The following TIPRL variants were observed in gnomAD, a reference collection of about 807,000 sequenced individuals.
TIPRL encodes the protein TIP41-like protein.
In TIPRL, 10 loss-of-function variants were observed where a neutral mutation model predicts 32.3. That is an observed-to-expected ratio of 0.31 (90% CI 0.19 to 0.52). The LOEUF (loss-of-function observed/expected upper bound fraction) is 0.52. Ranked by LOEUF, TIPRL falls within the 20% of genes least tolerant of loss-of-function variation. The probability of loss-of-function intolerance (pLI) is 0.96; values close to 1 mark genes in which losing one functional copy is unlikely to be tolerated. For missense variants in TIPRL, 250 were observed against 328.1 expected (o/e 0.76, Z 1.84); for synonymous variants, 100 against 114.0 (o/e 0.88, Z 0.78).
chr1:168,185,259 T>G (rs1163541032), intron 3 of TIPRL, among the ~76,000 whole-genome samples: 1 of 152,198 alleles, frequency 6.6e-6, no homozygotes, highest in Non-Finnish European at 1.5e-5. Flanking sequence ...AAAGAACTTC[T>G]GGTTAGACAA....
intron 4 of TIPRL, among the ~76,000 whole-genome samples, chr1:168,194,045 C>T (rs916149295): frequency 6.6e-6 from 1 of 152,156 alleles, no homozygotes; most frequent in Non-Finnish European, 1.5e-5. Flanking sequence ...TGATGAACAA[C>T]TCTTAGTGAA....
intron 1 of TIPRL, among the ~76,000 whole-genome samples, chr1:168,181,838 A>C (rs890906828): frequency 1.3e-5 from 2 of 151,462 alleles, no homozygotes; most frequent in African/African-American, 4.8e-5. Context: ...AGGCAGGCGG[A>C]TCACCTGAGG....
chr1:168,200,666 C>G lies in TIPRL; in HGVS notation c.*620C>G, dbSNP rs974888055. On this transcript the variant is annotated 3_prime_UTR_variant, in exon 7 of 7. Coordinates refer to ENST00000367833, the MANE Select transcript of TIPRL (RefSeq NM_152902.5). ...CAAAAATACCTAGATTTTTGGAGAA[C>G]TTATTACATACATAGAAACATGAAT... 1 of 151,790 alleles carries G rather than the reference C, an allele frequency of 6.6e-6. No homozygotes were observed. Among genetic ancestry groups the G allele is most frequent in the Non-Finnish European group, 1.5e-5 (1 of 67,976 alleles). The allele number at this position is 151,790 out of a possible 1,614,324, so 9.4% of individuals were successfully genotyped here. A position where few individuals can be genotyped will look rare whatever the true frequency, so the allele number is the denominator to read the frequency against.
intron 6 of TIPRL, among the ~76,000 whole-genome samples, chr1:168,199,530 A>G (rs948965864): frequency 6.6e-6 from 1 of 152,156 alleles, no homozygotes; most frequent in African/African-American, 2.4e-5. Flanking sequence ...CTGTCTGGGT[A>G]TAGAGTATAC....
rs1700204436 is a variant in TIPRL, at chr1:168,201,208, T to G, written c.*1162T>G. 6.6e-6 allele frequency: 1 copy of G among 152,120 alleles called. No individual in the cohort carries two copies. The highest frequency in any genetic ancestry group is 1.5e-5 in the Non-Finnish European group (1 of 67,990). 9.4% of individuals were successfully genotyped at this position (152,120 alleles called of 1,614,324 possible). A position where few individuals can be genotyped will look rare whatever the true frequency, so the allele number is the denominator to read the frequency against. On this transcript the variant is annotated 3_prime_UTR_variant, in exon 7 of 7. Coordinates refer to ENST00000367833, the MANE Select transcript of TIPRL (RefSeq NM_152902.5). ...TGATTAAAAAGCATCAAATAAGAAATTATTTCAAGTGGATTTTTAAAAATA... is the reference window on the plus strand; with the variant it reads ...TGATTAAAAAGCATCAAATAAGAAAGTATTTCAAGTGGATTTTTAAAAATA...
intron 1 of TIPRL, among the ~76,000 whole-genome samples, chr1:168,180,363 G>A (rs1424218927): frequency 1.1e-4 from 17 of 152,146 alleles, no homozygotes; most frequent in Admixed American, 1.1e-3. Flanking sequence ...GTTGGTTAGA[G>A]GATGAGTTTA....
intron 1 of TIPRL, among the ~76,000 whole-genome samples, chr1:168,181,582 A>C (rs544045584): frequency 1.3e-5 from 2 of 150,132 alleles, no homozygotes; most frequent in Non-Finnish European, 3.0e-5. Context: ...TAATTGCAAA[A>C]CCGCAATTAC....
chr1:168,192,593 T>C (rs950608310), intron 4 of TIPRL, among the ~76,000 whole-genome samples: 5 of 152,164 alleles, frequency 3.3e-5, no homozygotes, highest in Non-Finnish European at 5.9e-5. Context: ...TTTTCTATAC[T>C]CCTTTTTAAA....
chr1:168,183,038 A>C (rs1285310467), intron 1 of TIPRL, among the ~76,000 whole-genome samples: 1 of 152,224 alleles, frequency 6.6e-6, no homozygotes, highest in Non-Finnish European at 1.5e-5. Flanking sequence ...TGATATGTGC[A>C]CACAGAAATA....
Position 168,179,111 on chromosome 1 carries a change from G to T in TIPRL, c.34G>T (p.Asp12Tyr). ...MIHGFQSSHR[D>Y]FCFGPWKLTA... ...CCACGGCTTCCAGAGCAGCCACCGG[G>T]ATTTCTGCTTCGGGCCCTGGAAGCT... The change falls in exon 1 of 7, where the codon GAT becomes TAT. Residue 12 changes from aspartate to tyrosine, a missense_variant. Physicochemically the swap from Asp to Tyr is radical, Grantham distance 160. Coordinates refer to ENST00000367833, the MANE Select transcript of TIPRL (RefSeq NM_152902.5). The T allele has an allele frequency of 3.1e-6, 5 of 1,614,096 alleles. No homozygotes were observed. Among genetic ancestry groups the T allele is most frequent in the Non-Finnish European group, 4.2e-6 (5 of 1,179,976 alleles).
chr1:168,192,139 T>C, intron 4 of TIPRL: 1 of 1,368,768 alleles, frequency 7.3e-7, no homozygotes, highest in Non-Finnish European at 9.5e-7. Context: ...GCAAGGTGGA[T>C]GTCATTTTTT....
intron 6 of TIPRL, 55 bp downstream of exon 6, chr1:168,199,036 T>G: frequency 7.2e-7 from 1 of 1,397,260 alleles, no homozygotes; most frequent in Non-Finnish European, 1.0e-6. Flanking sequence ...CATTTTAATT[T>G]AAGTAGCATA....
chr1:168,189,879 A>C (rs781638790), intron 3 of TIPRL, among the ~76,000 whole-genome samples: 3 of 152,212 alleles, frequency 2.0e-5, no homozygotes, highest in Non-Finnish European at 4.4e-5. Flanking sequence ...AAATGGAAAA[A>C]CTGACAGATT....
Position 168,184,804 on chromosome 1 carries a change from G to A in TIPRL, c.310G>A (p.Val104Ile), listed in dbSNP as rs752044854. The change falls in exon 3 of 7, where the codon GTT becomes ATT. Residue 104 changes from valine to isoleucine, a missense_variant. Coordinates refer to ENST00000367833, the MANE Select transcript of TIPRL (RefSeq NM_152902.5). The part of the protein sequence containing the change: ...SRTEGEHSKE[V>I]IKPYDWTYTT... Reference sequence around the variant, plus strand: ...GACGGAGGGTGAACACTCCAAAGAGGTTATTAAACCATATGATTGGACCTA... The same window carrying A: ...GACGGAGGGTGAACACTCCAAAGAGATTATTAAACCATATGATTGGACCTA... The A allele has an allele frequency of 1.2e-6, 2 of 1,612,536 alleles. No individual in the cohort carries two copies. The highest frequency in any genetic ancestry group is 1.7e-6 in the Non-Finnish European group (2 of 1,179,048).
At position 168,191,516 on chromosome 1, in the gene TIPRL, A is replaced by T; in HGVS notation, c.516+16A>T. On this transcript the variant is annotated intron_variant, in intron 4 of 6. Coordinates refer to ENST00000367833, the MANE Select transcript of TIPRL (RefSeq NM_152902.5). ...TGTGAAGATTGTGAGTATTATTTTT[A>T]TTTAAAATTAATATTTTTCTTGCAT... The T allele has an allele frequency of 6.9e-7, 1 of 1,448,764 alleles. No homozygotes were observed. The highest frequency in any genetic ancestry group is 9.1e-7 in the Non-Finnish European group (1 of 1,102,136). The allele number at this position is 1,448,764 out of a possible 1,614,324, so 89.7% of individuals were successfully genotyped here.
chr1:168,190,250 C>T (rs1339163390), intron 3 of TIPRL, among the ~76,000 whole-genome samples: 1 of 152,164 alleles, frequency 6.6e-6, no homozygotes, highest in Non-Finnish European at 1.5e-5. Flanking sequence ...CTGCTCCGTA[C>T]ACAGTTGGAA....
intron 1 of TIPRL, among the ~76,000 whole-genome samples, chr1:168,181,566 G>A (rs1460202294): frequency 6.7e-6 from 1 of 149,006 alleles, no homozygotes; most frequent in South Asian, 2.2e-4. Context: ...AAGTAATTGC[G>A]GTTTTTAATT....
intron 4 of TIPRL, chr1:168,192,091 T>G (rs2102310970): frequency 8.5e-7 from 1 of 1,180,898 alleles, no homozygotes; most frequent in Non-Finnish European, 1.1e-6. Flanking sequence ...AATTTTCACA[T>G]TTTGGATTAA....
chr1:168,196,786 T>C (rs373560395), intron 5 of TIPRL, 144 bp downstream of exon 5: 1 of 471,544 alleles, frequency 2.1e-6, no homozygotes. Flanking sequence ...TCACATTCAC[T>C]GTTGACTGCA....
Sources: allele counts gnomAD v4.1 joint callset (sites outside exome capture counted in the v4.1 genomes callset), GRCh38; gene constraint gnomAD v4.1.1; transcripts MANE v1.5; gene names NCBI Gene and HGNC (gene_info 2026-07-23, HGNC 2026-07-21).